The following GALK2 variants were observed in gnomAD, a reference collection of about 807,000 sequenced individuals.
GALK2 encodes N-acetylgalactosamine kinase.
GALK2 carries 36 observed loss-of-function variants against 52.4 expected under a neutral mutation model. That is an observed-to-expected ratio of 0.69 (90% CI 0.53 to 0.91). The LOEUF is 0.91. GALK2 is among the 40% of genes least tolerant of loss of function. The probability of loss-of-function intolerance (pLI) is 0.00; values close to 1 mark genes in which losing one functional copy is unlikely to be tolerated. For synonymous variants in GALK2, 176 were observed against 199.1 expected, an observed-to-expected ratio of 0.88 and a Z score of 0.98; for missense variants, 579 against 559.1, an observed-to-expected ratio of 1.04 and a Z score of -0.36.
intron 5 of GALK2, among the ~76,000 whole-genome samples, chr15:49,264,582 C>T (rs1291591323): frequency 6.6e-6 from 1 of 152,222 alleles, no homozygotes; most frequent in Non-Finnish European, 1.5e-5. Context: ...TCGTCAAAGT[C>T]ATTCTCCATC....
intron 8 of GALK2, among the ~76,000 whole-genome samples, chr15:49,303,393 G>A (rs527342480): frequency 6.6e-5 from 10 of 152,246 alleles, no homozygotes; most frequent in African/African-American, 2.4e-4. Context: ...GTTGTGTGTT[G>A]GTCAGCTTCT....
intron 8 of GALK2, among the ~76,000 whole-genome samples, chr15:49,315,380 T>G (rs1033947465): frequency 1.3e-5 from 2 of 152,224 alleles, no homozygotes; most frequent in Non-Finnish European, 2.9e-5. Flanking sequence ...TATAGACAGC[T>G]GGAACATCCA....
At chr15:49,179,652 C>CT (rs71875041) in intron 1 of GALK2, among the ~76,000 whole-genome samples, 110 of 138,168 alleles carry the variant, frequency 8.0e-4, no homozygotes, top group East Asian at 1.5e-3. Context: ...TTGTTTCTTT[C>CT]TTTTTTTTTT....
chr15:49,264,163 G>A (rs1001533180), intron 5 of GALK2, among the ~76,000 whole-genome samples: 13 of 151,768 alleles, frequency 8.6e-5, no homozygotes, highest in Non-Finnish European at 1.9e-4. Flanking sequence ...CCTGCAGAGT[G>A]TTTTCCAACT....
At chr15:49,181,026 TCCTTCCTTCCTTCCTTCCTTCCTTC>T (rs142246627) in intron 1 of GALK2, among the ~76,000 whole-genome samples, 7,381 of 44,118 alleles carry the variant, frequency 0.17, 280 homozygotes, top group East Asian at 0.33. Flanking sequence ...GACCAATCCT[TCCTTCCTTCCTTCCTTCCTTCCTTC>T]CCTCCCTCCC....
intron 2 of GALK2, among the ~76,000 whole-genome samples, chr15:49,208,512 G>A (rs1003083666): frequency 1.3e-5 from 2 of 152,176 alleles, no homozygotes; most frequent in Non-Finnish European, 2.9e-5. Context: ...TGTAGTTTGA[G>A]AGAGTGCTTG....
At chr15:49,257,854 C>T (rs7496529) in intron 5 of GALK2, among the ~76,000 whole-genome samples, 26,300 of 150,692 alleles carry the variant, frequency 0.17, 3,024 homozygotes, top group East Asian at 0.31. Flanking sequence ...ATTTTTTTAA[C>T]TGTAAAAGCA....
intron 2 of GALK2, among the ~76,000 whole-genome samples, chr15:49,210,960 C>A (rs1433502515): frequency 9.0e-6 from 1 of 111,052 alleles, no homozygotes; most frequent in Non-Finnish European, 1.9e-5. Context: ...TTGGCTGTCA[C>A]ACACACACAC....
intron 3 of GALK2, among the ~76,000 whole-genome samples, chr15:49,357,094 G>C (rs1402277590): frequency 3.5e-4 from 53 of 151,092 alleles, no homozygotes; most frequent in Non-Finnish European, 6.7e-4. Context: ...AGTGTGTAGA[G>C]GGAAATTTAT....
intron 8 of GALK2, among the ~76,000 whole-genome samples, chr15:49,297,917 T>C (rs8041781): frequency 0.28 from 41,775 of 151,280 alleles, 6,211 homozygotes; most frequent in East Asian, 0.43. Context: ...ATTTTTTATT[T>C]GAATTTTTGA....
At chr15:49,310,519 C>A (rs980605320) in intron 8 of GALK2, among the ~76,000 whole-genome samples, 3 of 152,124 alleles carry the variant, frequency 2.0e-5, no homozygotes, top group Non-Finnish European at 4.4e-5. Flanking sequence ...TAGAAGAGTT[C>A]CCTTTTCTCT....
intron 5 of GALK2, among the ~76,000 whole-genome samples, chr15:49,266,294 A>G (rs544122206): frequency 1.3e-5 from 2 of 152,206 alleles, no homozygotes; most frequent in Admixed American, 1.3e-4. Flanking sequence ...GAGCAAAGCA[A>G]GTTTTATCCC....
chr15:49,265,621 C>T (rs1000150421), intron 5 of GALK2, among the ~76,000 whole-genome samples: 43 of 152,226 alleles, frequency 2.8e-4, no homozygotes, highest in Admixed American at 2.4e-3. Context: ...GAGATGAACC[C>T]AGTACCTCAG....
At chr15:49,217,927 A>G (rs2141385654) in intron 3 of GALK2, among the ~76,000 whole-genome samples, 2 of 152,366 alleles carry the variant, frequency 1.3e-5, no homozygotes, top group Middle Eastern at 6.8e-3. Context: ...TTAAATGTCT[A>G]TTTAGAATTG....
chr15:49,286,966 G>T (rs1399162031), intron 7 of GALK2, among the ~76,000 whole-genome samples: 1 of 152,136 alleles, frequency 6.6e-6, no homozygotes, highest in Non-Finnish European at 1.5e-5. Flanking sequence ...TGTAAAATCA[G>T]TTCATGTTGT....
intron 2 of GALK2, among the ~76,000 whole-genome samples, chr15:49,214,128 A>G (rs2089174516): frequency 6.6e-6 from 1 of 152,072 alleles, no homozygotes; most frequent in Non-Finnish European, 1.5e-5. Context: ...TCAAAAACAA[A>G]CAAACAAAAA....
chr15:49,159,304 G>C (rs921919628), intron 1 of GALK2, among the ~76,000 whole-genome samples: 1 of 152,090 alleles, frequency 6.6e-6, no homozygotes, highest in Non-Finnish European at 1.5e-5. Flanking sequence ...CGGCTGGCGC[G>C]CTGGCTCACG....
intron 5 of GALK2, among the ~76,000 whole-genome samples, chr15:49,268,566 G>A (rs941038050): frequency 6.6e-6 from 1 of 152,228 alleles, no homozygotes; most frequent in African/African-American, 2.4e-5. Flanking sequence ...GTGGTGTAAT[G>A]TAAGGACAGT....
chr15:49,221,251 G>A (rs35274049), intron 3 of GALK2, among the ~76,000 whole-genome samples: 10,114 of 152,140 alleles, frequency 0.066, 461 homozygotes, highest in East Asian at 0.18. Flanking sequence ...ATTGAATTTT[G>A]TATATGGTGA....
Sources: allele counts gnomAD v4.1 joint callset (sites outside exome capture counted in the v4.1 genomes callset), GRCh38; gene constraint gnomAD v4.1.1; transcripts MANE v1.5; gene names NCBI Gene and HGNC (gene_info 2026-07-23, HGNC 2026-07-21).